LSAMP: variants seen among roughly 807,000 people sequenced by gnomAD.
LSAMP encodes the protein limbic system associated membrane protein.
LSAMP carries 7 observed loss-of-function variants against 38.6 expected under a neutral mutation model. That is an observed-to-expected ratio of 0.18 (90% CI 0.10 to 0.34). The LOEUF is 0.34. Among genes scored for constraint, LSAMP ranks in the 10% least tolerant of loss-of-function variants. LSAMP has a pLI of 1.00. For missense variants in LSAMP, 313 were observed against 420.0 expected, an observed-to-expected ratio of 0.75 and a Z score of 2.23; for synonymous variants, 154 against 166.8, an observed-to-expected ratio of 0.92 and a Z score of 0.59.
intron 1 of LSAMP, among the ~76,000 whole-genome samples, chr3:116,380,554 C>A (rs1242773770): frequency 1.3e-5 from 2 of 151,968 alleles, no homozygotes; most frequent in African/African-American, 4.8e-5. Flanking sequence ...CCTGAGGCAA[C>A]CAATTTAACA....
rs938516444 is a variant in LSAMP, at chr3:115,805,981, A to G, written c.*4336T>C. The G allele has an allele frequency of 1.3e-5, 2 of 152,198 alleles. No homozygotes were observed. The highest frequency in any genetic ancestry group is 4.8e-5 in the African/African-American group (2 of 41,452). The allele number at this position is 152,198 out of a possible 1,614,324, so 9.4% of individuals were successfully genotyped here. ...TGTGGTGTGTTTCACATTTGTCTTCAAAATATTAATAGTTTATGTAGGTAA... is the reference window on the plus strand; with the variant it reads ...TGTGGTGTGTTTCACATTTGTCTTCGAAATATTAATAGTTTATGTAGGTAA... On this transcript the variant is annotated 3_prime_UTR_variant, in exon 7 of 7. Coordinates refer to ENST00000490035, the MANE Select transcript of LSAMP (RefSeq NM_002338.5).
chr3:116,340,440 T>G (rs1181932402), intron 1 of LSAMP, among the ~76,000 whole-genome samples: 1 of 151,904 alleles, frequency 6.6e-6, no homozygotes, highest in Non-Finnish European at 1.5e-5. Context: ...ATCAATGGAA[T>G]GCATCTAAAT....
At chr3:116,414,539 G>T (rs574798304) in intron 1 of LSAMP, among the ~76,000 whole-genome samples, 3 of 151,932 alleles carry the variant, frequency 2.0e-5, no homozygotes, top group Non-Finnish European at 4.4e-5. Flanking sequence ...CAGAGCAATC[G>T]TCCAACGTTT....
chr3:115,996,090 T>C (rs1939807803), intron 3 of LSAMP, among the ~76,000 whole-genome samples: 1 of 152,082 alleles, frequency 6.6e-6, no homozygotes, highest in Non-Finnish European at 1.5e-5. Flanking sequence ...CCACAAGGAA[T>C]ATGTGAACTG....
At chr3:116,066,077 C>A (rs2107367735) in intron 2 of LSAMP, among the ~76,000 whole-genome samples, 1 of 152,268 alleles carries the variant, frequency 6.6e-6, no homozygotes, top group East Asian at 1.9e-4. Context: ...TCTCACAATT[C>A]TGGAGACCGA....
chr3:115,967,727 G>T (rs1938866096), intron 3 of LSAMP, among the ~76,000 whole-genome samples: 1 of 152,156 alleles, frequency 6.6e-6, no homozygotes, highest in African/African-American at 2.4e-5. Flanking sequence ...GATGGCAGCA[G>T]GCAAAGAGAG....
intron 1 of LSAMP, among the ~76,000 whole-genome samples, chr3:116,189,586 C>T (rs1354877052): frequency 2.0e-5 from 3 of 152,180 alleles, no homozygotes; most frequent in Non-Finnish European, 4.4e-5. Flanking sequence ...CCTGTGAACA[C>T]ATTGCCTGCA....
chr3:116,253,561 G>A (rs2046712633), intron 1 of LSAMP, among the ~76,000 whole-genome samples: 1 of 152,144 alleles, frequency 6.6e-6, no homozygotes, highest in Admixed American at 6.6e-5. Context: ...ATAATGTTAA[G>A]CATAATAAAC....
At chr3:116,248,610 C>A (rs144450082) in intron 1 of LSAMP, among the ~76,000 whole-genome samples, 1 of 151,644 alleles carries the variant, frequency 6.6e-6, no homozygotes, top group Non-Finnish European at 1.5e-5. Flanking sequence ...CTGTCAAAAA[C>A]GCAGGGAAAG....
intron 2 of LSAMP, among the ~76,000 whole-genome samples, chr3:116,044,612 T>C (rs1276196162): frequency 2.1e-5 from 3 of 141,766 alleles, no homozygotes; most frequent in Non-Finnish European, 3.0e-5. Flanking sequence ...AGTAGAAATA[T>C]AATTGTATCT....
chr3:116,319,592 C>A (rs920395423), intron 1 of LSAMP, among the ~76,000 whole-genome samples: 8 of 152,008 alleles, frequency 5.3e-5, no homozygotes, highest in Non-Finnish European at 1.0e-4. Flanking sequence ...TGAAAAAGAA[C>A]ACTAGCTGGA....
At chr3:115,831,886 G>C (rs944388576) in intron 6 of LSAMP, among the ~76,000 whole-genome samples, 7 of 152,154 alleles carry the variant, frequency 4.6e-5, no homozygotes, top group Non-Finnish European at 1.0e-4. Context: ...GTTTTTGGCA[G>C]ATGGGGGAAG....
chr3:116,017,393 C>T (rs752704922), intron 3 of LSAMP, among the ~76,000 whole-genome samples: 2 of 152,014 alleles, frequency 1.3e-5, no homozygotes, highest in Non-Finnish European at 2.9e-5. Context: ...CTTTTATCTA[C>T]CACCTTGTTC....
chr3:115,854,876 A>T (rs1275469616), intron 3 of LSAMP, among the ~76,000 whole-genome samples: 1 of 152,222 alleles, frequency 6.6e-6, no homozygotes, highest in Non-Finnish European at 1.5e-5. Context: ...AAAACCTAGA[A>T]TGCAGAGGTA....
At chr3:116,159,071 G>T (rs752484697) in intron 1 of LSAMP, among the ~76,000 whole-genome samples, 5 of 152,096 alleles carry the variant, frequency 3.3e-5, no homozygotes, top group Non-Finnish European at 7.4e-5. Flanking sequence ...GATTGAAACT[G>T]GACCCCTTCT....
intron 3 of LSAMP, among the ~76,000 whole-genome samples, chr3:115,966,064 T>C (rs4322999): frequency 0.24 from 37,215 of 152,056 alleles, 5,208 homozygotes; most frequent in African/African-American, 0.4. Flanking sequence ...CAGTTTGCCA[T>C]GTGGGGCAAA....
chr3:116,281,259 A>C (rs2047122965), intron 1 of LSAMP, among the ~76,000 whole-genome samples: 2 of 152,286 alleles, frequency 1.3e-5, no homozygotes, highest in South Asian at 4.2e-4. Context: ...GGGGAGGATA[A>C]GTTATATCTC....
chr3:116,219,940 C>A (rs2046262303), intron 1 of LSAMP, among the ~76,000 whole-genome samples: 1 of 152,032 alleles, frequency 6.6e-6, no homozygotes. Flanking sequence ...TTTGAGAGGC[C>A]AAAATGGGTG....
intron 1 of LSAMP, among the ~76,000 whole-genome samples, chr3:116,340,696 A>C (rs552206318): frequency 6.6e-6 from 1 of 152,180 alleles, no homozygotes; most frequent in East Asian, 1.9e-4. Flanking sequence ...TAAAAATATC[A>C]GTATAGATCT....
Sources: gnomAD v4.1 joint callset for allele counts (sites outside exome capture counted in the v4.1 genomes callset) on GRCh38, gnomAD v4.1.1 for gene constraint, MANE v1.5 for transcripts, NCBI Gene and HGNC (gene_info 2026-07-23, HGNC 2026-07-21) for gene names.